DPP10: variants seen among roughly 807,000 people sequenced by gnomAD.
The protein encoded by DPP10 is dipeptidyl peptidase like 10.
A neutral mutation model predicts 120.9 loss-of-function variants in DPP10; 33 were observed. The ratio of observed to expected loss-of-function variants is 0.27; its 90% CI spans 0.21 to 0.37. DPP10 has a LOEUF of 0.37. DPP10 is among the 10% of genes least tolerant of loss of function. DPP10 has a pLI of 1.00. For missense variants in DPP10, 816 were observed against 942.8 expected (o/e 0.87, Z 1.76); for synonymous variants, 337 against 326.1 (o/e 1.03, Z -0.36).
chr2:114,873,344 G>A lies in DPP10; in HGVS notation c.60+430506G>A, dbSNP rs144332135. ...TGCTAAAGAGGATGAATGAGCCACT[G>A]TAGTATTCAATCCAGGTTGATGAGT... is the stretch of plus-strand genomic sequence containing the variant. On this transcript the variant is annotated intron_variant, in intron 1 of 25. Coordinates refer to ENST00000410059, the MANE Select transcript of DPP10 (RefSeq NM_020868.6). Among the ~76,000 whole-genome samples the A allele has an allele frequency of 6.2e-3, 939 of 152,272 alleles. 1 individual carries two copies. The highest frequency in any genetic ancestry group is 0.022 in the African/African-American group (897 of 41,562).
intron 24 of DPP10, among the ~76,000 whole-genome samples, chr2:115,838,782 G>GCA: frequency 6.6e-6 from 1 of 151,998 alleles, no homozygotes; most frequent in South Asian, 2.1e-4. Context: ...ATGTGTGTGA[G>GCA]CACACACACA....
At chr2:115,241,478 A>G (rs2058276151) in intron 1 of DPP10, among the ~76,000 whole-genome samples, 1 of 152,178 alleles carries the variant, frequency 6.6e-6, no homozygotes, top group Non-Finnish European at 1.5e-5. Context: ...CAGGTTAACA[A>G]TATAAAGCAG....
chr2:115,181,443 G>T (rs2054073481), intron 1 of DPP10, among the ~76,000 whole-genome samples: 2 of 152,264 alleles, frequency 1.3e-5, no homozygotes, highest in South Asian at 2.1e-4. Context: ...GTAGCTGGAA[G>T]GTCAGGAAGA....
chr2:115,183,965 A>G (rs1338713203), intron 1 of DPP10, among the ~76,000 whole-genome samples: 1 of 152,152 alleles, frequency 6.6e-6, no homozygotes, highest in Admixed American at 6.6e-5. Context: ...CCTGGGGGAG[A>G]CAGGAGGAGA....
intron 1 of DPP10, among the ~76,000 whole-genome samples, chr2:114,636,101 C>A (rs577481086): frequency 6.6e-6 from 1 of 151,956 alleles, no homozygotes; most frequent in East Asian, 1.9e-4. Flanking sequence ...TTGAGTCTAA[C>A]CATAGTTTAT....
At chr2:115,223,522 G>A (rs998126081) in intron 1 of DPP10, among the ~76,000 whole-genome samples, 4 of 152,084 alleles carry the variant, frequency 2.6e-5, no homozygotes, top group Admixed American at 6.6e-5. Context: ...TTGGTTTGGC[G>A]AGCTGTAAGG....
At chr2:114,632,805 C>A (rs1478526997) in intron 1 of DPP10, among the ~76,000 whole-genome samples, 2 of 152,092 alleles carry the variant, frequency 1.3e-5, no homozygotes, top group African/African-American at 4.8e-5. Flanking sequence ...AGCCACTGTG[C>A]CCGGCCAGGG....
intron 1 of DPP10, among the ~76,000 whole-genome samples, chr2:114,942,064 G>A (rs1479692473): frequency 1.3e-5 from 2 of 151,584 alleles, no homozygotes; most frequent in South Asian, 2.1e-4. Context: ...ATGAGGTCAG[G>A]AGATCGAGAC....
intron 1 of DPP10, among the ~76,000 whole-genome samples, chr2:115,304,791 C>T (rs2061293128): frequency 6.6e-6 from 1 of 151,932 alleles, no homozygotes; most frequent in Non-Finnish European, 1.5e-5. Flanking sequence ...GTGTATTACC[C>T]TTGCATTTTT....
intron 1 of DPP10, among the ~76,000 whole-genome samples, chr2:114,637,691 T>C (rs1396038834): frequency 6.6e-6 from 1 of 151,860 alleles, no homozygotes; most frequent in Non-Finnish European, 1.5e-5. Flanking sequence ...CTAGTTTTAT[T>C]CTCTTGCATA....
At chr2:114,477,815 G>GTATATA (rs1680572205) in intron 1 of DPP10, among the ~76,000 whole-genome samples, 1 of 146,138 alleles carries the variant, frequency 6.8e-6, no homozygotes, top group Admixed American at 7.0e-5. Context: ...ACATACATAT[G>GTATATA]TGTGTATATA....
intron 5 of DPP10, among the ~76,000 whole-genome samples, chr2:115,612,171 T>A (rs1180491528): frequency 6.6e-6 from 1 of 152,148 alleles, no homozygotes; most frequent in Non-Finnish European, 1.5e-5. Context: ...GCTCATCAGC[T>A]TCTAACTATG....
In DPP10 at chr2:114,952,062, G is replaced by T. The variant is rs191959024; in HGVS notation, c.61-357177G>T. 7.3e-5 allele frequency among the ~76,000 whole-genome samples: 11 copies of T among 151,414 alleles called. No individual in the cohort carries two copies. The South Asian group carries it at 2.1e-3, about 29-fold the overall frequency. On this transcript the variant is annotated intron_variant, in intron 1 of 25. Transcript: ENST00000410059. ...ATAAGTAGTTTACACATATAATTTC[G>T]GTGCTAGAATTCAGTATATAATTTT... is the stretch of plus-strand genomic sequence containing the variant.
rs547162380 is a variant in DPP10 at position 114,769,322 on chromosome 2, A to G, written c.60+326484A>G. ...ACTTGTCATCAACTACAGGGGGAGT[A>G]TTTGTACCGGAAAATCTGCAAATGC... On this transcript the variant is annotated intron_variant, in intron 1 of 25. Coordinates refer to ENST00000410059, the MANE Select transcript of DPP10 (RefSeq NM_020868.6). Among the ~76,000 whole-genome samples the G allele has an allele frequency of 2.6e-4, 39 of 152,128 alleles. 1 individual carries two copies. In the South Asian group the frequency reaches 8.1e-3, roughly 32 times the overall value.
intron 1 of DPP10, among the ~76,000 whole-genome samples, chr2:114,955,394 C>G (rs143540464): frequency 6.6e-6 from 1 of 152,138 alleles, no homozygotes; most frequent in African/African-American, 2.4e-5. Flanking sequence ...ACTGAGAATG[C>G]CTTAACCGTC....
intron 1 of DPP10, among the ~76,000 whole-genome samples, chr2:115,032,731 A>G (rs1349555949): frequency 1.3e-5 from 2 of 151,664 alleles, no homozygotes; most frequent in Non-Finnish European, 2.9e-5. Context: ...AAAAAAAAAC[A>G]AAAATTAGCT....
intron 1 of DPP10, among the ~76,000 whole-genome samples, chr2:115,197,961 A>G (rs1025026536): frequency 2.0e-5 from 3 of 152,200 alleles, no homozygotes; most frequent in African/African-American, 7.2e-5. Context: ...GATAAATGCT[A>G]TTATATCACT....
chr2:115,630,657 A>G (rs936702075), intron 5 of DPP10, among the ~76,000 whole-genome samples: 1 of 152,196 alleles, frequency 6.6e-6, no homozygotes, highest in African/African-American at 2.4e-5. Context: ...GCATCTATTG[A>G]GAATCATGTG....
chr2:115,143,069 A>G (rs1407893007), intron 1 of DPP10, among the ~76,000 whole-genome samples: 2 of 152,008 alleles, frequency 1.3e-5, no homozygotes, highest in Admixed American at 1.3e-4. Flanking sequence ...CCTTTCATTG[A>G]CCTTTTCATT....
Sources: allele counts gnomAD v4.1 joint callset (sites outside exome capture counted in the v4.1 genomes callset), GRCh38; gene constraint gnomAD v4.1.1; transcripts MANE v1.5; gene names NCBI Gene and HGNC (gene_info 2026-07-23, HGNC 2026-07-21).